MGAT4A: variants seen among roughly 807,000 people sequenced by gnomAD.
MGAT4A encodes N-acetylglucosaminyltransferase IVa.
Under a neutral mutation model 74.1 loss-of-function variants are expected in MGAT4A, and 33 were observed. That is an observed-to-expected ratio of 0.45 (90% CI 0.34 to 0.60). The LOEUF (loss-of-function observed/expected upper bound fraction) is 0.60, where lower values mean the gene tolerates loss of function less well. Among genes scored for constraint, MGAT4A ranks in the 20% least tolerant of loss-of-function variants. MGAT4A has a pLI of 0.02. For synonymous variants in MGAT4A, 198 were observed against 210.4 expected (o/e 0.94, Z 0.51); for missense variants, 479 against 628.3 (o/e 0.76, Z 2.54).
rs896368736 is a variant in MGAT4A at position 98,712,585 on chromosome 2, C to A, written c.94+13654G>T. ...ACACTTATGATTTGTGCACTTTTTA[C>A]ATCTTTCTTATACTTAAAACATTAC... On this transcript the variant is annotated intron_variant, in intron 2 of 15. Coordinates refer to ENST00000393487, the MANE Select transcript of MGAT4A (RefSeq NM_012214.3). 1.3e-5 allele frequency among the ~76,000 whole-genome samples: 2 copies of A among 152,192 alleles called. 1 individual carries two copies. Among genetic ancestry groups the A allele is most frequent in the South Asian group, 4.1e-4 (2 of 4,832 alleles).
Position 98,621,891 on chromosome 2 carries a change from T to A in MGAT4A, c.*3675A>T, listed in dbSNP as rs572931306. 2.3e-5 allele frequency: 23 copies of A among 1,001,396 alleles called. No homozygotes were observed. The East Asian group carries it at 2.4e-3, about 103-fold the overall frequency. The allele number at this position is 1,001,396 out of a possible 1,614,324, so 62.0% of individuals were successfully genotyped here. A position where few individuals can be genotyped will look rare whatever the true frequency, so the allele number is the denominator to read the frequency against. ...TAGTGCAACCACTGATTTGAGAAGA[T>A]ACACACTTTGTTCAAGGGTATTCAA... On this transcript the variant is annotated 3_prime_UTR_variant, in exon 16 of 16. Transcript: ENST00000393487.
chr2:98,657,453 A>G (rs1461428584), intron 6 of MGAT4A, among the ~76,000 whole-genome samples: 8 of 152,218 alleles, frequency 5.3e-5, no homozygotes, highest in African/African-American at 1.9e-4. Context: ...AGGACTTCCA[A>G]GAAACTCAGC....
intron 14 of MGAT4A, among the ~76,000 whole-genome samples, chr2:98,631,140 T>C (rs1701225394): frequency 6.6e-6 from 1 of 152,208 alleles, no homozygotes; most frequent in South Asian, 2.1e-4. Flanking sequence ...TAGTATTTCT[T>C]CCACAAGACC....
intron 4 of MGAT4A, among the ~76,000 whole-genome samples, chr2:98,668,334 T>C (rs1410669579): frequency 6.6e-6 from 1 of 152,164 alleles, no homozygotes; most frequent in Non-Finnish European, 1.5e-5. Flanking sequence ...ACTCCAGCCT[T>C]GACTAAAAGG....
intron 2 of MGAT4A, among the ~76,000 whole-genome samples, chr2:98,719,259 GA>G (rs1285208298): frequency 6.6e-6 from 1 of 151,656 alleles, no homozygotes; most frequent in Non-Finnish European, 1.5e-5. Context: ...AGGTGGAAAA[GA>G]AAAAAAAGGA....
rs1246213774 is a variant in MGAT4A at position 98,643,961 on chromosome 2, T to G, written c.982A>C (p.Ile328Leu). Residue 328 changes from isoleucine to leucine, a missense_variant, in exon 10 of 16, where the codon ATT becomes CTT. This residue lies in a region of MGAT4A where 236 missense variants were observed against 308.2 expected (regional missense o/e 0.77). Transcript: ENST00000393487. ...GGGTTGCAGACTTTCACCCAGAGAA[T>G]ATGGTCCAGGAGCCAATCAATGGGT... ...EKPIDWLLDH[I>L]LWVKVCNPEK... 1.9e-6 allele frequency: 3 copies of G among 1,577,086 alleles called. No individual in the cohort carries two copies. In the South Asian group the frequency reaches 3.5e-5, roughly 18 times the overall value.
At chr2:98,676,208 A>G (rs1701974658) in intron 3 of MGAT4A, among the ~76,000 whole-genome samples, 1 of 152,218 alleles carries the variant, frequency 6.6e-6, no homozygotes, top group East Asian at 1.9e-4. Context: ...AAATTCACGA[A>G]AGAAATGCAA....
Position 98,622,165 on chromosome 2 carries a change from T to TTA in MGAT4A, c.*3399_*3400dup. The TTA allele has an allele frequency of 2.0e-6, 2 of 985,478 alleles. No homozygotes were observed. Among genetic ancestry groups the TTA allele is most frequent in the Non-Finnish European group, 2.4e-6 (2 of 829,948 alleles). The allele number at this position is 985,478 out of a possible 1,614,324, so 61.0% of individuals were successfully genotyped here. On this transcript the variant is annotated 3_prime_UTR_variant, in exon 16 of 16. Transcript: ENST00000393487. The stretch of plus-strand genomic sequence containing the variant: ...CCCAAAATATTCATCATCATTTGCA[T>TTA]TATGTTCTATTCCCATGTCTGCTTT...
In MGAT4A at chr2:98,670,964, A is replaced by T. The variant is rs141864930; in HGVS notation, c.403+4071T>A. ...TGTGATATCTCAAAATCACCTCCAA[A>T]TTATCATATTCAAATTTAATCTATA... On this transcript the variant is annotated intron_variant, in intron 4 of 15. Coordinates refer to ENST00000393487, the MANE Select transcript of MGAT4A (RefSeq NM_012214.3). Among the ~76,000 whole-genome samples the T allele has an allele frequency of 2.5e-3, 380 of 152,262 alleles. 1 individual carries two copies. The highest frequency in any genetic ancestry group is 8.6e-3 in the African/African-American group (358 of 41,542).
At chr2:98,721,634 C>A (rs181742550) in intron 2 of MGAT4A, among the ~76,000 whole-genome samples, 2 of 151,898 alleles carry the variant, frequency 1.3e-5, no homozygotes, top group African/African-American at 4.8e-5. Flanking sequence ...CAATACCCCC[C>A]AAAAGGGTAA....
chr2:98,652,824 C>T (rs1271621037), intron 8 of MGAT4A, among the ~76,000 whole-genome samples: 1 of 151,134 alleles, frequency 6.6e-6, no homozygotes, highest in Non-Finnish European at 1.5e-5. Context: ...GTCATGTTGC[C>T]CAGACTGGTC....
intron 4 of MGAT4A, among the ~76,000 whole-genome samples, chr2:98,667,997 C>T (rs566899105): frequency 5.3e-5 from 8 of 152,200 alleles, no homozygotes; most frequent in African/African-American, 1.9e-4. Flanking sequence ...GGATCACAGG[C>T]GTGAGCCACA....
intron 2 of MGAT4A, among the ~76,000 whole-genome samples, chr2:98,705,948 C>CA (rs35710005): frequency 0.11 from 5,122 of 46,048 alleles, 314 homozygotes; most frequent in Non-Finnish European, 0.15. Context: ...GACTCCGTCT[C>CA]AAAAAAAAAA....
At chr2:98,699,247 A>G (rs910409180) in intron 2 of MGAT4A, among the ~76,000 whole-genome samples, 4 of 152,206 alleles carry the variant, frequency 2.6e-5, no homozygotes, top group Admixed American at 2.0e-4. Flanking sequence ...TCACATAGGC[A>G]CCCGCTGCCT....
intron 2 of MGAT4A, among the ~76,000 whole-genome samples, chr2:98,718,885 T>C (rs1702625565): frequency 6.6e-6 from 1 of 152,164 alleles, no homozygotes; most frequent in African/African-American, 2.4e-5. Context: ...CTCAACCTCT[T>C]GGCCCCTCCA....
rs545529774 is a variant in MGAT4A, at chr2:98,649,687, G to A, written c.775-4145C>T. 1.2e-4 allele frequency among the ~76,000 whole-genome samples: 18 copies of A among 152,120 alleles called. No homozygotes were observed. The Middle Eastern group carries it at 0.01, about 86-fold the overall frequency. On this transcript the variant is annotated intron_variant, in intron 8 of 15. Coordinates refer to ENST00000393487, the MANE Select transcript of MGAT4A (RefSeq NM_012214.3). Reference sequence around the variant, plus strand: ...CTGCAGAGCTCCTGACTAGAAACCAGTCAACTTCAATTAGGAGATTACACC... The same window carrying A: ...CTGCAGAGCTCCTGACTAGAAACCAATCAACTTCAATTAGGAGATTACACC...
At chr2:98,700,509 T>C (rs977502450) in intron 2 of MGAT4A, among the ~76,000 whole-genome samples, 3 of 151,996 alleles carry the variant, frequency 2.0e-5, no homozygotes, top group Non-Finnish European at 2.9e-5. Flanking sequence ...ACCTTTTGTT[T>C]ATGTGAATTA....
chr2:98,652,327 A>ATTTTT (rs70940120), intron 8 of MGAT4A, among the ~76,000 whole-genome samples: 1 of 123,394 alleles, frequency 8.1e-6, no homozygotes, highest in African/African-American at 3.4e-5. Flanking sequence ...TATCTCAACA[A>ATTTTT]TTTTTTTTTT....
intron 8 of MGAT4A, among the ~76,000 whole-genome samples, chr2:98,646,442 G>A (rs1360259025): frequency 5.9e-5 from 9 of 151,978 alleles, no homozygotes; most frequent in East Asian, 3.9e-4. Flanking sequence ...AGTGGCTCAC[G>A]CCTGTAATCC....
Sources: gnomAD v4.1 joint callset for allele counts (sites outside exome capture counted in the v4.1 genomes callset) on GRCh38, gnomAD v4.1.1 for gene constraint, gnomAD v4.1.1 regional missense constraint, MANE v1.5 for transcripts, NCBI Gene and HGNC (gene_info 2026-07-23, HGNC 2026-07-21) for gene names.